The following PDE4D variants were observed in gnomAD, a reference collection of about 807,000 sequenced individuals.
PDE4D encodes the protein 3',5'-cyclic-AMP phosphodiesterase 4D.
PDE4D carries 24 observed loss-of-function variants against 87.4 expected under a neutral mutation model. The observed-to-expected ratio is 0.27, with a 90% CI of 0.20 to 0.39. The LOEUF (loss-of-function observed/expected upper bound fraction) is 0.39, where lower values mean the gene tolerates loss of function less well. Among genes scored for constraint, PDE4D ranks in the 10% least tolerant of loss-of-function variants. The probability of loss-of-function intolerance (pLI) is 1.00; values close to 1 mark genes in which losing one functional copy is unlikely to be tolerated. For missense variants in PDE4D, 714 were observed against 1,041.0 expected, an observed-to-expected ratio of 0.69 and a Z score of 4.32; for synonymous variants, 384 against 383.2, an observed-to-expected ratio of 1.00 and a Z score of -0.02.
intron 1 of PDE4D, among the ~76,000 whole-genome samples, chr5:59,624,552 G>T (rs1009618145): frequency 6.6e-6 from 1 of 152,168 alleles, no homozygotes; most frequent in Non-Finnish European, 1.5e-5. Flanking sequence ...GGTAGTACTC[G>T]GCTTTAATCT....
At chr5:60,391,418 G>A (rs540060805) in intron 1 of PDE4D, among the ~76,000 whole-genome samples, 1 of 152,246 alleles carries the variant, frequency 6.6e-6, no homozygotes, top group Admixed American at 6.5e-5. Flanking sequence ...TAGGACAGAA[G>A]TCCTATGAGT....
chr5:59,008,174 A>G (rs754254548), intron 6 of PDE4D, among the ~76,000 whole-genome samples: 1 of 152,088 alleles, frequency 6.6e-6, no homozygotes, highest in Non-Finnish European at 1.5e-5. Flanking sequence ...AAAACTTCAC[A>G]TAAATGAAGC....
At chr5:59,583,373 G>C (rs1228773712) in intron 1 of PDE4D, among the ~76,000 whole-genome samples, 1 of 152,088 alleles carries the variant, frequency 6.6e-6, no homozygotes, top group Non-Finnish European at 1.5e-5. Flanking sequence ...TGCCATACTT[G>C]TTCCTGAATG....
chr5:59,548,595 G>C (rs773942856), intron 1 of PDE4D, among the ~76,000 whole-genome samples: 8 of 152,146 alleles, frequency 5.3e-5, no homozygotes, highest in Non-Finnish European at 1.2e-4. Flanking sequence ...ATAGCTACAT[G>C]TGCTACAGAG....
At chr5:60,165,118 T>C (rs949709033) in intron 2 of PDE4D, among the ~76,000 whole-genome samples, 1 of 152,138 alleles carries the variant, frequency 6.6e-6, no homozygotes, top group Non-Finnish European at 1.5e-5. Flanking sequence ...TCTATATGAG[T>C]GTGGTCATAC....
At chr5:60,119,873 C>T (rs1582753917) in intron 2 of PDE4D, among the ~76,000 whole-genome samples, 1 of 152,200 alleles carries the variant, frequency 6.6e-6, no homozygotes, top group East Asian at 1.9e-4. Context: ...TTTGGTCATT[C>T]AAGAAGAGAT....
intron 1 of PDE4D, among the ~76,000 whole-genome samples, chr5:59,886,977 G>C (rs1750254009): frequency 6.6e-6 from 1 of 151,854 alleles, no homozygotes; most frequent in Non-Finnish European, 1.5e-5. Flanking sequence ...AGATCACTTA[G>C]AGGCTATTGC....
At chr5:60,068,855 T>G (rs1054620970) in intron 2 of PDE4D, among the ~76,000 whole-genome samples, 8 of 152,108 alleles carry the variant, frequency 5.3e-5, no homozygotes, top group African/African-American at 1.4e-4. Context: ...ACCCACAAGC[T>G]TTTTAGTTTG....
At chr5:59,975,581 A>G (rs1761237240) in intron 3 of PDE4D, among the ~76,000 whole-genome samples, 1 of 151,858 alleles carries the variant, frequency 6.6e-6, no homozygotes, top group Non-Finnish European at 1.5e-5. Flanking sequence ...CCCTTGCCCT[A>G]TTTTTCTTAT....
intron 1 of PDE4D, among the ~76,000 whole-genome samples, chr5:59,263,198 T>C (rs372799930): frequency 7.2e-5 from 11 of 152,118 alleles, no homozygotes; most frequent in African/African-American, 2.4e-4. Context: ...TGTTCTACTT[T>C]CCATGCAAAG....
chr5:59,869,632 T>C (rs1249364585), intron 1 of PDE4D, among the ~76,000 whole-genome samples: 1 of 152,200 alleles, frequency 6.6e-6, no homozygotes, highest in Non-Finnish European at 1.5e-5. Flanking sequence ...TCTAGCATAA[T>C]GGTTCGTTTT....
intron 1 of PDE4D, among the ~76,000 whole-genome samples, chr5:59,427,376 C>A (rs1477873478): frequency 6.6e-6 from 1 of 150,708 alleles, no homozygotes; most frequent in African/African-American, 2.4e-5. Context: ...ATTTTCTAAT[C>A]ATTTATTTAT....
chr5:59,640,337 T>C lies in PDE4D; in HGVS notation c.455+252831A>G, dbSNP rs564387720. On this transcript the variant is annotated intron_variant, in intron 1 of 14. Coordinates refer to ENST00000340635, the MANE Select transcript of PDE4D (RefSeq NM_001104631.2). ...GGCTTTCAGACTCTGGAGCCGGAGT[T>C]CTTCCTCTCACCCTTCAGCTAGCTG... Among the ~76,000 whole-genome samples, 60 of 152,300 alleles carry C rather than the reference T, an allele frequency of 3.9e-4. 1 individual carries two copies. Among genetic ancestry groups the C allele is most frequent in the Non-Finnish European group, 1.0e-4 (7 of 68,032 alleles).
chr5:58,988,217 T>A (rs2153335070), intron 11 of PDE4D, among the ~76,000 whole-genome samples: 1 of 152,288 alleles, frequency 6.6e-6, no homozygotes, highest in Non-Finnish European at 1.5e-5. Flanking sequence ...TCTAAATCTT[T>A]CTGCACACTT....
rs753269222 is a variant in PDE4D, at chr5:59,640,098, C to T, written c.455+253070G>A. On this transcript the variant is annotated intron_variant, in intron 1 of 14. Coordinates refer to ENST00000340635, the MANE Select transcript of PDE4D (RefSeq NM_001104631.2). ...ATCAATGCTCCCAGTGAAGAATAAACATCATCATAAGAATGCCCAATATTT... is the reference window on the plus strand; with the variant it reads ...ATCAATGCTCCCAGTGAAGAATAAATATCATCATAAGAATGCCCAATATTT... 1.4e-4 allele frequency among the ~76,000 whole-genome samples: 21 copies of T among 152,114 alleles called. 1 individual carries two copies. The highest frequency in any genetic ancestry group is 2.8e-4 in the Non-Finnish European group (19 of 68,008).
At chr5:60,264,843 A>G (rs1750020481) in intron 1 of PDE4D, among the ~76,000 whole-genome samples, 1 of 152,170 alleles carries the variant, frequency 6.6e-6, no homozygotes, top group South Asian at 2.1e-4. Context: ...TGCAAGTGAG[A>G]GGAGAAACTA....
intron 1 of PDE4D, among the ~76,000 whole-genome samples, chr5:59,444,344 G>A (rs1161155462): frequency 6.6e-6 from 1 of 152,330 alleles, no homozygotes; most frequent in East Asian, 1.9e-4. Flanking sequence ...CCTGAAAGGT[G>A]TAGGATAGAG....
chr5:59,729,203 T>G (rs989544757), intron 1 of PDE4D, among the ~76,000 whole-genome samples: 1 of 152,126 alleles, frequency 6.6e-6, no homozygotes, highest in Non-Finnish European at 1.5e-5. Context: ...TTTACTAATA[T>G]GTCTTTCCAA....
At chr5:59,492,561 A>T (rs557099387) in intron 1 of PDE4D, among the ~76,000 whole-genome samples, 15 of 152,264 alleles carry the variant, frequency 9.9e-5, no homozygotes, top group Non-Finnish European at 1.9e-4. Flanking sequence ...TTAAACCCTC[A>T]AATTAGTGTG....
Sources: gnomAD v4.1 joint callset for allele counts (sites outside exome capture counted in the v4.1 genomes callset) on GRCh38, gnomAD v4.1.1 for gene constraint, MANE v1.5 for transcripts, NCBI Gene and HGNC (gene_info 2026-07-23, HGNC 2026-07-21) for gene names.